DGKK: variants seen among roughly 807,000 people sequenced by gnomAD.
The protein encoded by DGKK is 142 kDa diacylglycerol kinase.
In DGKK, 35 loss-of-function variants were observed where a neutral mutation model predicts 92.2. The ratio of observed to expected loss-of-function variants is 0.38; its 90% confidence interval spans 0.29 to 0.50. The LOEUF (loss-of-function observed/expected upper bound fraction) is 0.50. Among genes scored for constraint, DGKK ranks in the 20% least tolerant of loss-of-function variants. The pLI is 0.92. For synonymous variants in DGKK, 368 were observed against 360.6 expected (o/e 1.02, Z -0.23); for missense variants, 910 against 992.2 (o/e 0.92, Z 1.11).
intron 1 of DGKK, among the ~76,000 whole-genome samples, chrX:50,428,987 C>G (rs1925813425): frequency 8.9e-6 from 1 of 111,903 alleles, no homozygotes; most frequent in Non-Finnish European, 1.9e-5. Flanking sequence ...CTTGGGGCTA[C>G]TAAACTGAAC....
At chrX:50,393,085 T>C in intron 9 of DGKK, 67 bp downstream of exon 9, 1 of 921,254 alleles carries the variant, frequency 1.1e-6, no homozygotes, top group South Asian at 2.5e-5. Flanking sequence ...AAGCCTGTTT[T>C]AGTTTAGAAT....
At chrX:50,429,275 G>T (rs905626258) in intron 1 of DGKK, among the ~76,000 whole-genome samples, 2 of 111,730 alleles carry the variant, frequency 1.8e-5, no homozygotes, top group South Asian at 3.8e-4. Context: ...TCCTCTCCCC[G>T]TGATGAGAAA....
intron 8 of DGKK, among the ~76,000 whole-genome samples, chrX:50,398,204 A>G (rs1924905583): frequency 9.0e-6 from 1 of 111,648 alleles, no homozygotes. Flanking sequence ...TGAAGAAAGG[A>G]TTCTCTAGCT....
chrX:50,406,348 G>A (rs111865338), intron 4 of DGKK, among the ~76,000 whole-genome samples: 5,146 of 112,028 alleles, frequency 0.046, 116 homozygotes, highest in Non-Finnish European at 0.069. Flanking sequence ...GGATGAGTAT[G>A]TGTGGCGATT....
intron 1 of DGKK, among the ~76,000 whole-genome samples, chrX:50,447,343 T>TATTA (rs1491387960): frequency 2.4e-4 from 3 of 12,300 alleles, no homozygotes; most frequent in African/African-American, 6.6e-4. Context: ...TATATATATA[T>TATTA]TATATATATA....
chrX:50,445,332 G>A (rs782164859), intron 1 of DGKK, among the ~76,000 whole-genome samples: 140 of 110,542 alleles, frequency 1.3e-3, no homozygotes, highest in Middle Eastern at 4.6e-3. Context: ...TGTGTTTGGC[G>A]TCTTCATCAT....
rs1357527329 is a variant in DGKK at position 50,366,903 on chromosome X, A to G, written c.*2037T>C. ...CAGCACACTCACTACTCAAATATGT[A>G]CAACAAGCTAACACATTCTGATGCT... On this transcript the variant is annotated 3_prime_UTR_variant, in exon 28 of 28. Transcript: ENST00000611977. The G allele has an allele frequency of 8.9e-6, 1 of 112,778 alleles. No homozygotes were observed. The highest frequency in any genetic ancestry group is 1.9e-5 in the Non-Finnish European group (1 of 53,396). 9.3% of individuals were successfully genotyped at this position (112,778 alleles called of 1,213,427 possible).
Position 50,406,218 on chromosome X carries a change from C to T in DGKK, c.943-2034G>A, listed in dbSNP as rs781909977. 1.6e-4 allele frequency among the ~76,000 whole-genome samples: 18 copies of T among 111,793 alleles called. No homozygotes were observed. In the South Asian group the frequency reaches 6.4e-3, roughly 40 times the overall value. ...TATTAAATTTCATCATCTAAATTGC[C>T]TACAGAATACAAAGGAATAGGTAAA... is the stretch of plus-strand genomic sequence containing the variant. On this transcript the variant is annotated intron_variant, in intron 4 of 27. Transcript: ENST00000611977.
At chrX:50,447,359 TATATATATATTA>T (rs1926357528) in intron 1 of DGKK, among the ~76,000 whole-genome samples, 9 of 14,990 alleles carry the variant, frequency 6.0e-4, no homozygotes, top group Admixed American at 3.0e-3. Flanking sequence ...ATATATATAA[TATATATATATTA>T]TATATATATA....
Position 50,470,346 on chromosome X carries a change from T to C in DGKK, c.333A>G (p.Pro111=). 5.8e-6 allele frequency: 7 copies of C among 1,209,502 alleles called. No individual in the cohort carries two copies. Among genetic ancestry groups the C allele is most frequent in the South Asian group, 3.6e-5 (2 of 56,253 alleles). Residue 111 remains proline (P), a synonymous_variant, in exon 1 of 28, where the codon CCA becomes CCG. Coordinates refer to ENST00000611977, the MANE Select transcript of DGKK (RefSeq NM_001013742.4). ...CTGTGGCAGGTTCTGGGGCCGGTTCTGGGGCCGGCTCTGTGGCAGGTTCTG... is the reference window on the plus strand; with the variant it reads ...CTGTGGCAGGTTCTGGGGCCGGTTCCGGGGCCGGCTCTGTGGCAGGTTCTG... ...PAPEPATEPA[P]EPAPEPATES...
chrX:50,400,962 G>T, intron 8 of DGKK, 75 bp downstream of exon 8: 1 of 933,406 alleles, frequency 1.1e-6, no homozygotes, highest in Non-Finnish European at 1.5e-6. Flanking sequence ...TAATTTAATT[G>T]CAGTGCTTCT....
chrX:50,370,414 G>T lies in DGKK; in HGVS notation c.3736+12C>A. ...AGTCTTCATGACCCCTCTGCCTGTG[G>T]GGGAGACTTACCAATAAAACTCTGG... On this transcript the variant is annotated intron_variant, in intron 27 of 27. Transcript: ENST00000611977. The T allele has an allele frequency of 8.4e-7, 1 of 1,187,375 alleles. No homozygotes were observed. Among genetic ancestry groups the T allele is most frequent in the East Asian group, 3.1e-5 (1 of 32,777 alleles).
At chrX:50,438,859 T>G (rs141952893) in intron 1 of DGKK, among the ~76,000 whole-genome samples, 1,134 of 111,674 alleles carry the variant, frequency 0.01, 7 homozygotes, top group Middle Eastern at 0.041. Flanking sequence ...TTAATATCGC[T>G]TAGGTCTGTT....
At chrX:50,463,467 C>T (rs797023423) in intron 1 of DGKK, among the ~76,000 whole-genome samples, 1 of 103,950 alleles carries the variant, frequency 9.6e-6, no homozygotes, top group Non-Finnish European at 2.0e-5. Context: ...CTGCTCCTAC[C>T]TTCCTCTCCT....
chrX:50,367,578 T>C lies in DGKK; in HGVS notation c.*1362A>G, dbSNP rs1924003381. On this transcript the variant is annotated 3_prime_UTR_variant, in exon 28 of 28. Transcript: ENST00000611977. ...ACTTGAGGACTGACCCAACAGCCTG[T>C]CCAGAAGATCAGGCCAAGATGGAGC... 1 of 110,982 alleles carries C rather than the reference T, an allele frequency of 9.0e-6. No homozygotes were observed. Among genetic ancestry groups the C allele is most frequent in the African/African-American group, 3.3e-5 (1 of 30,455 alleles). 9.1% of individuals were successfully genotyped at this position (110,982 alleles called of 1,213,427 possible). A position where few individuals can be genotyped will look rare whatever the true frequency, so the allele number is the denominator to read the frequency against.
At chrX:50,447,329 TATATATATATATATTATATATATATATA>T (rs1272037385) in intron 1 of DGKK, among the ~76,000 whole-genome samples, 73 of 18,426 alleles carry the variant, frequency 4.0e-3, no homozygotes, top group East Asian at 8.9e-3. Flanking sequence ...TGTGTATGTA[TATATATATATATATTATATATATATATA>T]ATATATATAT....
intron 8 of DGKK, among the ~76,000 whole-genome samples, chrX:50,396,421 T>C (rs1557226128): frequency 8.9e-6 from 1 of 112,186 alleles, no homozygotes; most frequent in Non-Finnish European, 1.9e-5. Context: ...TATGTATTTC[T>C]TTTTTAAAAA....
At chrX:50,390,623 A>G (rs1437063338) in intron 11 of DGKK, among the ~76,000 whole-genome samples, 2 of 111,222 alleles carry the variant, frequency 1.8e-5, no homozygotes, top group African/African-American at 6.5e-5. Flanking sequence ...GATGGAAGGA[A>G]TTGCCTTCCC....
chrX:50,386,709 G>A, intron 14 of DGKK, 123 bp from the exon 15 acceptor site: 1 of 550,556 alleles, frequency 1.8e-6, no homozygotes, highest in Non-Finnish European at 2.9e-6. Context: ...TAAATGCTGA[G>A]CATAGAAAAC....
Sources: allele counts gnomAD v4.1 joint callset (sites outside exome capture counted in the v4.1 genomes callset), GRCh38; gene constraint gnomAD v4.1.1; transcripts MANE v1.5; gene names NCBI Gene and HGNC (gene_info 2026-07-23, HGNC 2026-07-21).